The following MECOM variants were observed in gnomAD, a reference collection of about 807,000 sequenced individuals.
MECOM encodes the protein MDS1 and EVI1 complex locus.
A neutral mutation model predicts 116.3 loss-of-function variants in MECOM; 13 were observed. The observed-to-expected ratio is 0.11, with a 90% CI of 0.07 to 0.18. The LOEUF (loss-of-function observed/expected upper bound fraction) is 0.18. MECOM is among the 10% of genes least tolerant of loss of function. The pLI is 1.00. For missense variants in MECOM, 1,299 were observed against 1,509.0 expected, an observed-to-expected ratio of 0.86 and a Z score of 2.31; for synonymous variants, 528 against 535.2, an observed-to-expected ratio of 0.99 and a Z score of 0.19.
intron 2 of MECOM, among the ~76,000 whole-genome samples, chr3:169,240,103 A>C (rs1754597393): frequency 6.6e-6 from 1 of 152,180 alleles, no homozygotes; most frequent in African/African-American, 2.4e-5. Flanking sequence ...TTCGACAACT[A>C]TCTAGAAACT....
intron 1 of MECOM, among the ~76,000 whole-genome samples, chr3:169,387,897 T>G (rs1422245054): frequency 6.6e-6 from 1 of 151,990 alleles, no homozygotes; most frequent in Non-Finnish European, 1.5e-5. Context: ...AACTCAGAAA[T>G]TTAGACATTT....
At chr3:169,276,997 TACACACACACACACACACAC>T (rs71300479) in intron 2 of MECOM, among the ~76,000 whole-genome samples, 11 of 144,514 alleles carry the variant, frequency 7.6e-5, no homozygotes, top group Middle Eastern at 3.7e-3. Context: ...TAATTTATGT[TACACACACACACACACACAC>T]ACACACACAC....
chr3:169,294,829 G>C (rs958834032), intron 2 of MECOM, among the ~76,000 whole-genome samples: 2 of 152,082 alleles, frequency 1.3e-5, no homozygotes, highest in Non-Finnish European at 2.9e-5. Context: ...AACAGAGCTT[G>C]GTCTGCTTGG....
At chr3:169,447,523 A>G (rs917827221) in intron 1 of MECOM, among the ~76,000 whole-genome samples, 5 of 152,306 alleles carry the variant, frequency 3.3e-5, no homozygotes, top group Middle Eastern at 3.4e-3. Context: ...TTATGTTTAC[A>G]AAGTACCTTT....
chr3:169,555,951 C>T (rs1761979752), intron 1 of MECOM, among the ~76,000 whole-genome samples: 1 of 152,210 alleles, frequency 6.6e-6, no homozygotes, highest in East Asian at 1.9e-4. Flanking sequence ...AAGTCATGAA[C>T]ATCAGTGGTC....
chr3:169,251,398 T>G (rs1756225015), intron 2 of MECOM, among the ~76,000 whole-genome samples: 1 of 152,178 alleles, frequency 6.6e-6, no homozygotes, highest in African/African-American at 2.4e-5. Flanking sequence ...GTTGGCAAGG[T>G]GGTCTTTGCT....
At chr3:169,099,298 T>G (rs1011963756) in intron 12 of MECOM, among the ~76,000 whole-genome samples, 1 of 152,206 alleles carries the variant, frequency 6.6e-6, no homozygotes, top group African/African-American at 2.4e-5. Context: ...TAACATAGTT[T>G]CCAGTACTCT....
intron 1 of MECOM, among the ~76,000 whole-genome samples, chr3:169,545,175 G>A (rs1191042474): frequency 6.6e-6 from 1 of 152,120 alleles, no homozygotes; most frequent in Non-Finnish European, 1.5e-5. Context: ...TTTGGGCATT[G>A]GTTTTTGTTT....
chr3:169,296,880 A>T (rs765974233), intron 2 of MECOM, among the ~76,000 whole-genome samples: 11 of 152,226 alleles, frequency 7.2e-5, no homozygotes, highest in Non-Finnish European at 1.6e-4. Flanking sequence ...AGCAAATATT[A>T]GACACCCCAG....
chr3:169,469,883 G>T (rs1224621644), intron 1 of MECOM, among the ~76,000 whole-genome samples: 1 of 152,050 alleles, frequency 6.6e-6, no homozygotes, highest in Non-Finnish European at 1.5e-5. Context: ...ACCCAATCAA[G>T]TCACTTAAAG....
chr3:169,155,157 T>C (rs1322052189), intron 2 of MECOM, among the ~76,000 whole-genome samples: 3 of 152,208 alleles, frequency 2.0e-5, no homozygotes, highest in Non-Finnish European at 4.4e-5. Context: ...GGAATTACTT[T>C]ATTTACATCC....
At chr3:169,381,121 G>A (rs1272509782) in intron 2 of MECOM, 66 bp downstream of exon 2, 1 of 1,403,888 alleles carries the variant, frequency 7.1e-7, no homozygotes, top group Non-Finnish European at 9.7e-7. Flanking sequence ...TTTTGTGGAT[G>A]CTTAAACAAT....
intron 1 of MECOM, among the ~76,000 whole-genome samples, chr3:169,420,599 G>A (rs565666294): frequency 5.9e-5 from 9 of 152,186 alleles, no homozygotes; most frequent in African/African-American, 9.6e-5. Flanking sequence ...TTTCCTCCAC[G>A]GACACAATTA....
At position 169,611,679 on chromosome 3, in the gene MECOM, A is replaced by G. The variant is rs1384153548; in HGVS notation, c.37+51657T>C. Among the ~76,000 whole-genome samples, 1 of 152,198 alleles carries G rather than the reference A, an allele frequency of 6.6e-6. No homozygotes were observed. The highest frequency in any genetic ancestry group is 1.5e-5 in the Non-Finnish European group (1 of 68,040). Reference sequence around the variant, plus strand: ...AAAATCACTATATATCTTTTTTAAAATATTTTATTTTCCTTAGTTATAATG... The same window carrying G: ...AAAATCACTATATATCTTTTTTAAAGTATTTTATTTTCCTTAGTTATAATG... On this transcript the variant is annotated intron_variant, in intron 1 of 16. Coordinates refer to ENST00000651503, the MANE Select transcript of MECOM (RefSeq NM_004991.4). The surrounding 1 kb of genome is among the most constrained non-coding windows in gnomAD (Gnocchi z 4.1).
At position 169,143,748 on chromosome 3, in the gene MECOM, C is replaced by A. The variant is rs116535717; in HGVS notation, c.460G>T (p.Ala154Ser). The A allele has an allele frequency of 3.1e-3, 4,997 of 1,610,866 alleles. 33 individuals carry two copies. The highest frequency in any genetic ancestry group is 0.02 in the Middle Eastern group (121 of 6,050). ...AGGTTGTGCTGATCATAACAGCCAG[C>A]GAATCTAATGTACTTGAGCCAGCTT... ...VGSWLKYIRF[A>S]GCYDQHNLVA... The change falls in exon 3 of 17, where the codon GCT (alanine) becomes TCT (serine). Residue 154 changes from alanine (A) to serine (S), a missense_variant. By Grantham distance (99) the Ala-to-Ser change is moderately conservative. This residue lies in a region of MECOM where 374 missense variants were observed against 433.4 expected (regional missense o/e 0.86). Coordinates refer to ENST00000651503, the MANE Select transcript of MECOM (RefSeq NM_004991.4).
At chr3:169,519,559 A>G (rs1757107334) in intron 1 of MECOM, among the ~76,000 whole-genome samples, 1 of 152,234 alleles carries the variant, frequency 6.6e-6, no homozygotes, top group South Asian at 2.1e-4. Context: ...TGTACTATGT[A>G]AAATGCCCAA....
intron 2 of MECOM, among the ~76,000 whole-genome samples, chr3:169,322,399 T>C (rs1382765919): frequency 6.6e-6 from 1 of 152,194 alleles, no homozygotes; most frequent in East Asian, 1.9e-4. Flanking sequence ...TTGTCTTTTG[T>C]ATACCGCTTT....
At chr3:169,318,965 G>A (rs571973892) in intron 2 of MECOM, among the ~76,000 whole-genome samples, 1 of 152,026 alleles carries the variant, frequency 6.6e-6, no homozygotes, top group Non-Finnish European at 1.5e-5. Context: ...TGGGCATGGT[G>A]GTGGGTGCCT....
intron 1 of MECOM, among the ~76,000 whole-genome samples, chr3:169,653,532 A>G (rs1460633207): frequency 1.3e-5 from 2 of 152,248 alleles, no homozygotes; most frequent in Non-Finnish European, 2.9e-5. Context: ...AGATTTTGAC[A>G]GTCAGTGTAC....
Sources: allele counts gnomAD v4.1 joint callset (sites outside exome capture counted in the v4.1 genomes callset), GRCh38; gene constraint gnomAD v4.1.1; regional missense constraint gnomAD v4.1.1; non-coding constraint Gnocchi (gnomAD v3.1); transcripts MANE v1.5; gene names NCBI Gene and HGNC (gene_info 2026-07-23, HGNC 2026-07-21).